Variants in ALDH18A1 observed in about 807,000 individuals in gnomAD.
ALDH18A1 encodes the protein delta-1-pyrroline-5-carboxylate synthase.
Under a neutral mutation model 88.8 loss-of-function variants are expected in ALDH18A1, and 44 were observed. The observed-to-expected ratio is 0.50, with a 90% confidence interval of 0.39 to 0.64. ALDH18A1 has a LOEUF of 0.64. Among genes scored for constraint, ALDH18A1 ranks in the 30% least tolerant of loss-of-function variants. The probability of loss-of-function intolerance (pLI) is 0.00; values close to 1 mark genes in which losing one functional copy is unlikely to be tolerated. For synonymous variants in ALDH18A1, 331 were observed against 372.1 expected (o/e 0.89, Z 1.27); for missense variants, 782 against 1,009.5 (o/e 0.77, Z 3.05).
At chr10:95,640,405 G>A (rs1011715744) in intron 3 of ALDH18A1, among the ~76,000 whole-genome samples, 4 of 151,152 alleles carry the variant, frequency 2.6e-5, no homozygotes, top group Admixed American at 6.6e-5. Context: ...GCAGTGGTGC[G>A]ATCTTGTCTC....
intron 7 of ALDH18A1, among the ~76,000 whole-genome samples, chr10:95,632,133 C>A (rs2097871274): frequency 6.6e-6 from 1 of 152,152 alleles, no homozygotes; most frequent in Non-Finnish European, 1.5e-5. Flanking sequence ...AAAGGGCCAC[C>A]ATAGTATATG....
rs1016708525 is a variant in ALDH18A1 at position 95,606,619 on chromosome 10, A to G, written c.*143T>C. 10 of 1,592,384 alleles carry G rather than the reference A, an allele frequency of 6.3e-6. No individual in the cohort carries two copies. The highest frequency in any genetic ancestry group is 5.4e-5 in the African/African-American group (4 of 74,386). ...ACATCAGCCAAGACTGCTATTGCCA[A>G]ACGGAGCCCAGAAGCATCCAGGTAC... On this transcript the variant is annotated 3_prime_UTR_variant, in exon 18 of 18. Coordinates refer to ENST00000371224, the MANE Select transcript of ALDH18A1 (RefSeq NM_002860.4).
chr10:95,611,184 G>C (rs910862418), intron 16 of ALDH18A1, 72 bp downstream of exon 16: 31 of 1,570,696 alleles, frequency 2.0e-5, no homozygotes, highest in Non-Finnish European at 2.6e-5. Flanking sequence ...GCAGCCCAAG[G>C]GGGGCTAAGA....
intron 1 of ALDH18A1, among the ~76,000 whole-genome samples, chr10:95,655,681 AGTGTGT>A (rs3838754): frequency 3.6e-3 from 539 of 150,134 alleles, no homozygotes; most frequent in Admixed American, 6.5e-3. Flanking sequence ...GAGCAAAGAG[AGTGTGT>A]GTGTGTGTGT....
chr10:95,621,541 A>G (rs2097852667), intron 11 of ALDH18A1, among the ~76,000 whole-genome samples: 1 of 152,012 alleles, frequency 6.6e-6, no homozygotes, highest in Non-Finnish European at 1.5e-5. Flanking sequence ...CGAACTCCTC[A>G]ACTCAAGTGA....
At position 95,632,910 on chromosome 10, in the gene ALDH18A1, T is replaced by C. The variant is rs1436928486; in HGVS notation, c.808+49A>G. The C allele has an allele frequency of 2.7e-6, 4 of 1,480,304 alleles. No individual in the cohort carries two copies. In the South Asian group the frequency reaches 3.4e-5, roughly 13 times the overall value. 91.7% of individuals were successfully genotyped at this position (1,480,304 alleles called of 1,614,324 possible). A position where few individuals can be genotyped will look rare whatever the true frequency, so the allele number is the denominator to read the frequency against. ...AGGGAAACTCATGTGCTCACATATG[T>C]AGCATTTAAAACAAAGGGCAGATAA... On this transcript the variant is annotated intron_variant, in intron 7 of 17. Transcript: ENST00000371224.
At position 95,613,878 on chromosome 10, in the gene ALDH18A1, G is replaced by A; in HGVS notation, c.1802-15C>T. The A allele has an allele frequency of 6.2e-7, 1 of 1,614,180 alleles. No homozygotes were observed. The highest frequency in any genetic ancestry group is 8.5e-7 in the Non-Finnish European group (1 of 1,180,022). On this transcript the variant is annotated splice_polypyrimidine_tract_variant and intron_variant, in intron 14 of 17. Coordinates refer to ENST00000371224, the MANE Select transcript of ALDH18A1 (RefSeq NM_002860.4). ...AGAGTCTCTGACTGAAAGAAGATGA[G>A]CAAAGAATTGTTTCCATTGACATGA...
In ALDH18A1 at chr10:95,621,100, C is replaced by T; in HGVS notation, c.1398G>A (p.Leu466=). 1 of 1,614,092 alleles carries T rather than the reference C, an allele frequency of 6.2e-7. No individual in the cohort carries two copies. The highest frequency in any genetic ancestry group is 8.5e-7 in the Non-Finnish European group (1 of 1,180,034). Residue 466 remains leucine (L), a synonymous_variant, in exon 12 of 18, where the codon CTG becomes CTA. Transcript: ENST00000371224. ...RRTRIAKNLE[L]EQVTVPIGVL... ...CTCCAATTGGGACAGTCACTTGTTC[C>T]AGTTCCAAGTTTTTGGCGATTCGGG... is the stretch of plus-strand genomic sequence containing the variant.
At chr10:95,641,319 G>A (rs1403555698) in intron 3 of ALDH18A1, among the ~76,000 whole-genome samples, 11 of 152,144 alleles carry the variant, frequency 7.2e-5, no homozygotes, top group Admixed American at 7.2e-4. Context: ...TCACCTTAAT[G>A]TGTGGGGAGT....
chr10:95,649,689 T>G (rs191747102), intron 2 of ALDH18A1, among the ~76,000 whole-genome samples: 1 of 152,074 alleles, frequency 6.6e-6, no homozygotes, highest in East Asian at 1.9e-4. Flanking sequence ...GTGCCAAGAC[T>G]GGGCAACATG....
chr10:95,650,117 C>T (rs1459029959), intron 2 of ALDH18A1, among the ~76,000 whole-genome samples: 1 of 151,842 alleles, frequency 6.6e-6, no homozygotes, highest in African/African-American at 2.4e-5. Context: ...ATAAAACTAT[C>T]GAACTTTCGG....
intron 17 of ALDH18A1, among the ~76,000 whole-genome samples, chr10:95,608,867 G>A (rs1011505457): frequency 2.6e-5 from 4 of 152,208 alleles, no homozygotes; most frequent in African/African-American, 9.6e-5. Flanking sequence ...TGTATTATTG[G>A]AGGTTTTTTG....
chr10:95,644,887 C>T lies in ALDH18A1; in HGVS notation c.89-1681G>A, dbSNP rs184470783. ...GGAACTGTGAAGCAACAAGAAAGAA[C>T]GAGCAGGGATCCCTGATGGATTTCA... is the stretch of plus-strand genomic sequence containing the variant. On this transcript the variant is annotated intron_variant, in intron 2 of 17. Transcript: ENST00000371224. Among the ~76,000 whole-genome samples, 62 of 152,304 alleles carry T rather than the reference C, an allele frequency of 4.1e-4. 1 individual carries two copies. Among genetic ancestry groups the T allele is most frequent in the African/African-American group, 1.1e-3 (44 of 41,574 alleles).
At chr10:95,637,026 A>T in intron 5 of ALDH18A1, 67 bp downstream of exon 5, 1 of 1,425,342 alleles carries the variant, frequency 7.0e-7, no homozygotes, top group Non-Finnish European at 9.8e-7. Flanking sequence ...GTCTGGCTCC[A>T]GACCCCTTTG....
intron 7 of ALDH18A1, chr10:95,628,783 G>A (rs1360313668): frequency 1.2e-5 from 5 of 401,930 alleles, no homozygotes; most frequent in Non-Finnish European, 1.9e-5. Flanking sequence ...CCATATTCCT[G>A]GCAAGGTGTC....
rs777125038 is a variant in ALDH18A1 at position 95,616,597 on chromosome 10, G to A, written c.1485C>T (p.Ile495=). The A allele has an allele frequency of 2.2e-5, 35 of 1,606,850 alleles. 1 individual carries two copies. In the South Asian group the frequency reaches 2.5e-4, roughly 11 times the overall value. Residue 495 remains isoleucine (I), a synonymous_variant, in exon 13 of 18, where the codon ATC becomes ATT. Coordinates refer to ENST00000371224, the MANE Select transcript of ALDH18A1 (RefSeq NM_002860.4). ...DCLPQVAALA[I]ASGNGLLLKG... ...TGAGTAACAAGCCATTGCCACTTGC[G>A]ATAGCCAAAGCTGCCACCTGCAGAT...
chr10:95,653,795 G>T (rs375779319), intron 1 of ALDH18A1, among the ~76,000 whole-genome samples: 3 of 152,282 alleles, frequency 2.0e-5, no homozygotes, highest in East Asian at 3.9e-4. Context: ...CCACCTTTCT[G>T]CTAACATCTC....
chr10:95,649,562 A>C (rs2097906846), intron 2 of ALDH18A1, among the ~76,000 whole-genome samples: 1 of 151,836 alleles, frequency 6.6e-6, no homozygotes, highest in Non-Finnish European at 1.5e-5. Context: ...TCACTGTGTT[A>C]GTCAGGATGG....
At chr10:95,650,829 T>A (rs892421257) in intron 2 of ALDH18A1, among the ~76,000 whole-genome samples, 6 of 152,072 alleles carry the variant, frequency 3.9e-5, no homozygotes, top group Non-Finnish European at 8.8e-5. Context: ...AAAAAACAAC[T>A]TTCCAATTCA....
Sources: gnomAD v4.1 joint callset for allele counts (sites outside exome capture counted in the v4.1 genomes callset) on GRCh38, gnomAD v4.1.1 for gene constraint, MANE v1.5 for transcripts, NCBI Gene and HGNC (gene_info 2026-07-23, HGNC 2026-07-21) for gene names.